CDK15: variants seen among roughly 807,000 people sequenced by gnomAD.
CDK15 encodes the protein cyclin dependent kinase 15.
CDK15 carries 62 observed loss-of-function variants against 60.3 expected under a neutral mutation model. The observed-to-expected ratio is 1.03, with a 90% CI of 0.84 to 1.27. The LOEUF (loss-of-function observed/expected upper bound fraction) is 1.27. Ranked by LOEUF, CDK15 falls within the 50% of genes most tolerant of loss-of-function variation. CDK15 has a pLI of 0.00. For missense variants in CDK15, 541 were observed against 527.8 expected (o/e 1.03, Z -0.25); for synonymous variants, 194 against 195.7 (o/e 0.99, Z 0.07).
chr2:201,841,610 C>T (rs916356438), intron 8 of CDK15, among the ~76,000 whole-genome samples: 2 of 152,166 alleles, frequency 1.3e-5, no homozygotes, highest in African/African-American at 4.8e-5. Flanking sequence ...CATGCAACCC[C>T]ATAGGGTCCA....
intron 10 of CDK15, among the ~76,000 whole-genome samples, chr2:201,863,627 G>A (rs989941695): frequency 6.6e-5 from 10 of 151,976 alleles, no homozygotes; most frequent in African/African-American, 1.2e-4. Flanking sequence ...CGAGGCGGGC[G>A]GATCACTTCT....
chr2:201,838,340 G>C (rs545119190), intron 8 of CDK15, among the ~76,000 whole-genome samples: 1 of 152,208 alleles, frequency 6.6e-6, no homozygotes, highest in South Asian at 2.1e-4. Context: ...GACAGCCCCT[G>C]CAACAAAGAT....
intron 11 of CDK15, among the ~76,000 whole-genome samples, chr2:201,873,443 G>C (rs764020): frequency 0.27 from 41,535 of 151,948 alleles, 6,983 homozygotes; most frequent in African/African-American, 0.48. Flanking sequence ...TTTTAGCATG[G>C]CCCGTGGCTT....
intron 13 of CDK15, among the ~76,000 whole-genome samples, chr2:201,891,920 A>T (rs1699650822): frequency 6.6e-6 from 1 of 152,166 alleles, no homozygotes; most frequent in Non-Finnish European, 1.5e-5. Context: ...AGGGGCCTAG[A>T]TGGTAACCAC....
chr2:201,871,624 A>G (rs185861188), intron 10 of CDK15, among the ~76,000 whole-genome samples: 81 of 152,272 alleles, frequency 5.3e-4, no homozygotes, highest in Non-Finnish European at 5.4e-4. Context: ...TGCTCTGCAC[A>G]CAGTGTATGT....
intron 8 of CDK15, among the ~76,000 whole-genome samples, chr2:201,845,410 G>A (rs939152796): frequency 2.0e-5 from 3 of 151,646 alleles, no homozygotes; most frequent in East Asian, 1.9e-4. Context: ...AAACTTGATC[G>A]TCAAGAAATC....
chr2:201,877,516 C>T (rs1453290487), intron 11 of CDK15, among the ~76,000 whole-genome samples: 1 of 152,204 alleles, frequency 6.6e-6, no homozygotes, highest in Non-Finnish European at 1.5e-5. Context: ...CACCTCACTA[C>T]CCAATAGTGT....
chr2:201,840,204 CG>C (rs1697316339), intron 8 of CDK15, among the ~76,000 whole-genome samples: 1 of 152,134 alleles, frequency 6.6e-6, no homozygotes, highest in South Asian at 2.1e-4. Context: ...AGGCTGGTTT[CG>C]AACTTTAGAT....
At chr2:201,808,998 G>A (rs1305495151) in intron 3 of CDK15, among the ~76,000 whole-genome samples, 1 of 152,004 alleles carries the variant, frequency 6.6e-6, no homozygotes, top group African/African-American at 2.4e-5. Context: ...GATCTCAGAT[G>A]ACTGCAACCT....
intron 5 of CDK15, 100 bp downstream of exon 5, chr2:201,823,003 A>G (rs1696301952): frequency 1.3e-6 from 1 of 761,540 alleles, no homozygotes; most frequent in Non-Finnish European, 2.3e-6. Flanking sequence ...TTTTATTATA[A>G]TGTGAAAAGT....
intron 11 of CDK15, among the ~76,000 whole-genome samples, chr2:201,872,902 C>T (rs1320959622): frequency 1.3e-5 from 2 of 152,126 alleles, no homozygotes; most frequent in Non-Finnish European, 2.9e-5. Context: ...TTACAATAAC[C>T]AGTATTATTT....
intron 12 of CDK15, among the ~76,000 whole-genome samples, 177 bp from the exon 13 acceptor site, chr2:201,890,608 G>T (rs571378488): frequency 6.6e-6 from 1 of 152,354 alleles, no homozygotes; most frequent in South Asian, 2.1e-4. Context: ...GAAGGCACTT[G>T]CCAACTATTG....
In CDK15 at chr2:201,880,094, CG is replaced by C. The variant is rs1559148872; in HGVS notation, c.1126del (p.Val376SerfsTer34). ...QMLKGFPRDR[V>X]SAQEALVHDY... ...TGCTAAAAGGCTTTCCCAGAGACCG[CG>C]TCTCCGCCCAGGAAGCACTTGTTCA... On this transcript the variant is annotated frameshift_variant, in exon 12 of 14. Transcript: ENST00000652192. LOFTEE classifies it high-confidence loss of function. 2 of 1,614,116 alleles carry C rather than the reference CG, an allele frequency of 1.2e-6. No homozygotes were observed.
In CDK15 at chr2:201,864,403, C is replaced by T. The variant is rs181525664; in HGVS notation, c.1010-7875C>T. On this transcript the variant is annotated intron_variant, in intron 10 of 13. Transcript: ENST00000652192. ...CGCGATCTTGGCTCACTGCAACCTC[C>T]GCCTCCAGGGTTCAAGTGATTCTCG... 3.7e-3 allele frequency among the ~76,000 whole-genome samples: 568 copies of T among 152,272 alleles called. 14 individuals are homozygous for T. Among genetic ancestry groups the T allele is most frequent in the Admixed American group, 0.035 (529 of 15,298 alleles).
At chr2:201,826,207 T>TTTA (rs1696482630) in intron 6 of CDK15, among the ~76,000 whole-genome samples, 1 of 152,144 alleles carries the variant, frequency 6.6e-6, no homozygotes, top group Non-Finnish European at 1.5e-5. Flanking sequence ...ACGCCTGTAA[T>TTTA]CCCAGCACTT....
chr2:201,806,630 T>C lies in CDK15; in HGVS notation c.-35T>C, dbSNP rs746120092. 2 of 1,549,544 alleles carry C rather than the reference T, an allele frequency of 1.3e-6. No homozygotes were observed. The highest frequency in any genetic ancestry group is 4.6e-5 in the East Asian group (2 of 43,288). On this transcript the variant is annotated 5_prime_UTR_variant, in exon 1 of 14. Coordinates refer to ENST00000652192, the MANE Select transcript of CDK15 (RefSeq NM_001366386.2). The stretch of plus-strand genomic sequence containing the variant: ...ATAGGAGAGGCAGTGGGGGAAAGGT[T>C]CAAGTGCGGGTTTTCTCCTTGAACC...
At chr2:201,843,275 C>T (rs1160468104) in intron 8 of CDK15, among the ~76,000 whole-genome samples, 1 of 152,108 alleles carries the variant, frequency 6.6e-6, no homozygotes, top group Non-Finnish European at 1.5e-5. Context: ...CAACCTCCAA[C>T]TCCCCGGTTC....
At chr2:201,887,579 A>G (rs2105843129) in intron 12 of CDK15, among the ~76,000 whole-genome samples, 1 of 152,282 alleles carries the variant, frequency 6.6e-6, no homozygotes, top group South Asian at 2.1e-4. Context: ...GGTTAACACT[A>G]GTTTTCTTTA....
At chr2:201,823,834 G>A in intron 6 of CDK15, 107 bp downstream of exon 6, 1 of 843,660 alleles carries the variant, frequency 1.2e-6, no homozygotes, top group Non-Finnish European at 1.9e-6. Flanking sequence ...ATAAGAGGAT[G>A]GACATCACTG....
Sources: allele counts gnomAD v4.1 joint callset (sites outside exome capture counted in the v4.1 genomes callset), GRCh38; gene constraint gnomAD v4.1.1; transcripts MANE v1.5; gene names NCBI Gene and HGNC (gene_info 2026-07-23, HGNC 2026-07-21).